Variants in SLC17A1 observed in about 807,000 individuals in gnomAD.
SLC17A1 encodes sodium-dependent phosphate transport protein 1.
In SLC17A1, 51 loss-of-function variants were observed where a neutral mutation model predicts 53.5. The observed-to-expected ratio is 0.95, with a 90% CI of 0.76 to 1.20. The LOEUF (loss-of-function observed/expected upper bound fraction) is 1.20, where lower values mean the gene tolerates loss of function less well. Among genes scored for constraint, SLC17A1 ranks in the 50% most tolerant of loss-of-function variants. SLC17A1 has a pLI of 0.00. For missense variants in SLC17A1, 538 were observed against 568.2 expected, an observed-to-expected ratio of 0.95 and a Z score of 0.54; for synonymous variants, 179 against 198.8, an observed-to-expected ratio of 0.90 and a Z score of 0.84.
the SLC17A1 span, among the ~76,000 whole-genome samples, chr6:25,745,086 G>T: frequency 1.1e-4 from 16 of 152,112 alleles, no homozygotes; most frequent in African/African-American, 3.9e-4. Context: ...TGACTTCTCT[G>T]ATCAAACAGA....
At chr6:25,786,173 C>T (rs535562277) in intron 12 of SLC17A1, among the ~76,000 whole-genome samples, 19 of 152,272 alleles carry the variant, frequency 1.2e-4, no homozygotes, top group African/African-American at 2.6e-4. Context: ...CTACGTGCTA[C>T]GACATGAGTG....
the SLC17A1 span, among the ~76,000 whole-genome samples, chr6:25,758,329 A>G: frequency 6.6e-6 from 1 of 152,182 alleles, no homozygotes; most frequent in Non-Finnish European, 1.5e-5. Context: ...CTCTAAAAAC[A>G]TTCTCACCTT....
chr6:25,764,308 C>T, the SLC17A1 span, among the ~76,000 whole-genome samples: 1 of 152,114 alleles, frequency 6.6e-6, no homozygotes, highest in African/African-American at 2.4e-5. Flanking sequence ...GCACTGAGAA[C>T]AATATCAGGG....
At chr6:25,730,017 A>T in the SLC17A1 span, among the ~76,000 whole-genome samples, 1 of 152,204 alleles carries the variant, frequency 6.6e-6, no homozygotes, top group East Asian at 1.9e-4. Context: ...ATTTTTTAAA[A>T]TGTGTGATAT....
intron 10 of SLC17A1, among the ~76,000 whole-genome samples, chr6:25,808,895 T>A (rs1764051773): frequency 6.6e-6 from 1 of 152,102 alleles, no homozygotes. Flanking sequence ...GCAATTCTGT[T>A]ACTGGGTGTC....
the SLC17A1 span, chr6:25,770,067 G>C: frequency 6.2e-7 from 1 of 1,613,140 alleles, no homozygotes; most frequent in Non-Finnish European, 8.5e-7. Flanking sequence ...TGTCATCTAG[G>C]CCCCTGCATA....
Position 25,811,709 on chromosome 6 carries a change from T to G in SLC17A1, c.959A>C (p.Gln320Pro), listed in dbSNP as rs777285267. Residue 320 changes from glutamine (Q) to proline (P), a missense_variant, in exon 9 of 13, where the codon CAG becomes CCG. Coordinates refer to ENST00000244527, the MANE Select transcript of SLC17A1 (RefSeq NM_005074.5). ...FAWICGNLAG[Q>P]LSDFFLTRNI... The stretch of plus-strand genomic sequence containing the variant: ...CCTGGTCAGGAAGAAGTCTGATAAC[T>G]GACCTGCTAGGTTACCACAGATCCA... 6.2e-7 allele frequency: 1 copy of G among 1,613,862 alleles called. No homozygotes were observed. The highest frequency in any genetic ancestry group is 1.1e-5 in the South Asian group (1 of 91,068).
At chr6:25,772,799 G>A in the SLC17A1 span, among the ~76,000 whole-genome samples, 20 of 152,188 alleles carry the variant, frequency 1.3e-4, no homozygotes, top group African/African-American at 2.9e-4. Flanking sequence ...TTTCAAGCAC[G>A]TGGGGCAAAC....
At chr6:25,820,603 G>C (rs1335220988) in intron 3 of SLC17A1, among the ~76,000 whole-genome samples, 1 of 152,038 alleles carries the variant, frequency 6.6e-6, no homozygotes, top group Non-Finnish European at 1.5e-5. Context: ...AATGATGGCC[G>C]GGCGCGGTGG....
the SLC17A1 span, chr6:25,727,265 T>G: frequency 6.2e-7 from 1 of 1,608,830 alleles, no homozygotes; most frequent in South Asian, 1.1e-5. Context: ...GCACCAAGGC[T>G]GTCACTAAGT....
intron 12 of SLC17A1, among the ~76,000 whole-genome samples, chr6:25,797,660 A>G (rs1763629933): frequency 6.6e-6 from 1 of 151,436 alleles, no homozygotes; most frequent in South Asian, 2.1e-4. Context: ...GCTAAAGTGC[A>G]GTGATCTCGG....
intron 10 of SLC17A1, 99 bp from the exon 11 acceptor site, chr6:25,801,079 T>C: frequency 1.4e-6 from 1 of 723,742 alleles, no homozygotes; most frequent in East Asian, 2.6e-5. Context: ...ATTGCTCATT[T>C]TGCAAGTTCC....
chr6:25,813,407 C>T (rs1764230699), intron 6 of SLC17A1, among the ~76,000 whole-genome samples, 194 bp from the exon 7 acceptor site: 1 of 152,166 alleles, frequency 6.6e-6, no homozygotes, highest in Non-Finnish European at 1.5e-5. Flanking sequence ...TGGGATAAGG[C>T]CTATGCCCTT....
At chr6:25,751,207 C>T in the SLC17A1 span, among the ~76,000 whole-genome samples, 19 of 152,098 alleles carry the variant, frequency 1.2e-4, no homozygotes, top group Admixed American at 3.3e-4. Context: ...TTCAACCTGA[C>T]GAGATAATAT....
the SLC17A1 span, among the ~76,000 whole-genome samples, chr6:25,744,884 C>T: frequency 4.9e-4 from 75 of 152,068 alleles, no homozygotes; most frequent in Admixed American, 7.9e-4. Flanking sequence ...CTGAATAGCC[C>T]GAAATATTAA....
chr6:25,801,203 A>G (rs1763748382), intron 10 of SLC17A1, among the ~76,000 whole-genome samples: 1 of 152,228 alleles, frequency 6.6e-6, no homozygotes, highest in African/African-American at 2.4e-5. Flanking sequence ...TGATGATATT[A>G]ATAAAATGGG....
chr6:25,790,233 A>AC (rs904153452), intron 12 of SLC17A1, among the ~76,000 whole-genome samples: 1 of 152,100 alleles, frequency 6.6e-6, no homozygotes, highest in African/African-American at 2.4e-5. Flanking sequence ...CTGATTTAAT[A>AC]CCCCAATAGA....
chr6:25,814,790 C>A (rs548350385), intron 6 of SLC17A1, among the ~76,000 whole-genome samples: 1 of 152,198 alleles, frequency 6.6e-6, no homozygotes, highest in Non-Finnish European at 1.5e-5. Flanking sequence ...TCATGACCAG[C>A]CTGGTCAACA....
chr6:25,828,656 C>G (rs181898374), intron 2 of SLC17A1, among the ~76,000 whole-genome samples: 1 of 151,746 alleles, frequency 6.6e-6, no homozygotes, highest in Admixed American at 6.6e-5. Context: ...TTTCATAAGA[C>G]TATTTTGCTT....
Sources: allele counts gnomAD v4.1 joint callset (sites outside exome capture counted in the v4.1 genomes callset), GRCh38; gene constraint gnomAD v4.1.1; transcripts MANE v1.5; gene names NCBI Gene and HGNC (gene_info 2026-07-23, HGNC 2026-07-21).